Variants in PPL observed in about 807,000 individuals in gnomAD.
PPL encodes 190 kDa paraneoplastic pemphigus antigen.
In PPL, 198 loss-of-function variants were observed where a neutral mutation model predicts 194.4. The observed-to-expected ratio is 1.02, with a 90% CI of 0.91 to 1.15. The LOEUF (loss-of-function observed/expected upper bound fraction) is 1.15. Among genes scored for constraint, PPL ranks in the 50% most tolerant of loss-of-function variants. The pLI is 0.00. For synonymous variants in PPL, 1,220 were observed against 972.4 expected (o/e 1.25, Z -4.74); for missense variants, 2,885 against 2,294.8 (o/e 1.26, Z -5.25).
At chr16:4,888,366 C>G (rs1036162973) in intron 19 of PPL, 148 bp from the exon 20 acceptor site, 27 of 606,168 alleles carry the variant, frequency 4.5e-5, no homozygotes, top group Non-Finnish European at 5.4e-5. Context: ...CAGCTGCACC[C>G]TGCAGTGATT....
intron 2 of PPL, among the ~76,000 whole-genome samples, chr16:4,910,112 C>T (rs1199168707): frequency 1.3e-5 from 2 of 152,146 alleles, no homozygotes; most frequent in African/African-American, 4.8e-5. Context: ...GTGAGTCCCT[C>T]AGGGTACAGA....
chr16:4,919,677 C>G (rs372894150), intron 1 of PPL, among the ~76,000 whole-genome samples: 1 of 152,132 alleles, frequency 6.6e-6, no homozygotes, highest in South Asian at 2.1e-4. Flanking sequence ...CACCTGTAAT[C>G]CCACCACTTT....
chr16:4,936,976 C>T lies in PPL; in HGVS notation c.62+8G>A. On this transcript the variant is annotated splice_region_variant and intron_variant, in intron 1 of 21. Coordinates refer to ENST00000345988, the MANE Select transcript of PPL (RefSeq NM_002705.5). ...CGTCCCGGAGCGGAGCTGTGGGCGC[C>T]TCCTCACCTCCGGGTCTGCACAGTG... is the stretch of plus-strand genomic sequence containing the variant. 1 of 1,587,728 alleles carries T rather than the reference C, an allele frequency of 6.3e-7. No homozygotes were observed.
rs76210868 is a variant in PPL at position 4,923,572 on chromosome 16, T to C, written c.63-12623A>G. On this transcript the variant is annotated intron_variant, in intron 1 of 21. Coordinates refer to ENST00000345988, the MANE Select transcript of PPL (RefSeq NM_002705.5). ...TTCAGCTGTACCTGTTCAAGTCACA[T>C]GGCACCAACTGGCCCATTCTTTCTA... 3.4e-3 allele frequency among the ~76,000 whole-genome samples: 515 copies of C among 152,276 alleles called. 24 individuals are homozygous for C. In the East Asian group the frequency reaches 0.091, roughly 27 times the overall value.
At chr16:4,906,426 C>T (rs573695118) in intron 2 of PPL, among the ~76,000 whole-genome samples, 193 of 152,086 alleles carry the variant, frequency 1.3e-3, no homozygotes, top group African/African-American at 4.0e-3. Flanking sequence ...GGGGTTTCAC[C>T]GTGTTAGCCA....
intron 2 of PPL, 27 bp downstream of exon 2, chr16:4,910,823 G>A (rs2088803940): frequency 1.3e-6 from 2 of 1,591,954 alleles, no homozygotes; most frequent in Non-Finnish European, 1.7e-6. Flanking sequence ...GGGGCACCCA[G>A]GTGGGAGTGG....
chr16:4,933,729 T>A (rs1020518217), intron 1 of PPL, among the ~76,000 whole-genome samples: 31 of 152,330 alleles, frequency 2.0e-4, no homozygotes, highest in African/African-American at 7.0e-4. Flanking sequence ...ATCTCTGTGA[T>A]GTGACTGCCA....
At position 4,890,235 on chromosome 16, in the gene PPL, G is replaced by A; in HGVS notation, c.2262C>T (p.Pro754=). Residue 754 remains proline, a synonymous_variant, in exon 18 of 22, where the codon CCC becomes CCT. Coordinates refer to ENST00000345988, the MANE Select transcript of PPL (RefSeq NM_002705.5). Reference sequence around the variant, plus strand: ...TCTGGCTGAGGCTGTCTGTCTCCTGGGGCTCGTAACTGGGGATGCTGACTA... The same window carrying A: ...TCTGGCTGAGGCTGTCTGTCTCCTGAGGCTCGTAACTGGGGATGCTGACTA... ...QFLVSIPSYE[P]QETDSLSQME... 1 of 1,614,154 alleles carries A rather than the reference G, an allele frequency of 6.2e-7. No homozygotes were observed. The highest frequency in any genetic ancestry group is 8.5e-7 in the Non-Finnish European group (1 of 1,180,028).
intron 1 of PPL, among the ~76,000 whole-genome samples, chr16:4,920,351 G>GAAAT (rs1358088881): frequency 1.4e-5 from 1 of 70,664 alleles, no homozygotes; most frequent in Non-Finnish European, 4.6e-5. Context: ...GAGAGAGAAA[G>GAAAT]AAAGAAAGAA....
Position 4,937,117 on chromosome 16 carries a change from G to C in PPL, c.-72C>G. 9.4e-7 allele frequency: 1 copy of C among 1,059,866 alleles called. No homozygotes were observed. Among genetic ancestry groups the C allele is most frequent in the Non-Finnish European group, 1.2e-6 (1 of 865,138 alleles). 65.7% of individuals were successfully genotyped at this position (1,059,866 alleles called of 1,614,324 possible). A position where few individuals can be genotyped will look rare whatever the true frequency, so the allele number is the denominator to read the frequency against. ...CACCGAGGGGCGGGCGGGAGCGCAG[G>C]TGAGCGAGCGGCGGCGCGGGGAGCC... On this transcript the variant is annotated 5_prime_UTR_variant, in exon 1 of 22. Coordinates refer to ENST00000345988, the MANE Select transcript of PPL (RefSeq NM_002705.5).
At position 4,895,655 on chromosome 16, in the gene PPL, T is replaced by C; in HGVS notation, c.1034A>G (p.Gln345Arg). Reference sequence around the variant, plus strand: ...GTCCTTGAAGTCAGGGCCATACTTCTGGTTCAGGTCCGAGTCCACCTTGCG... The same window carrying C: ...GTCCTTGAAGTCAGGGCCATACTTCCGGTTCAGGTCCGAGTCCACCTTGCG... ...LLRKVDSDLN[Q>R]KYGPDFKDRY... Residue 345 changes from glutamine (Q) to arginine (R), a missense_variant, in exon 10 of 22, where the codon CAG (glutamine) becomes CGG (arginine). Physicochemically the swap from Gln to Arg is conservative, Grantham distance 43. Transcript: ENST00000345988. 1.2e-6 allele frequency: 2 copies of C among 1,614,080 alleles called. No homozygotes were observed. Among genetic ancestry groups the C allele is most frequent in the Non-Finnish European group, 1.7e-6 (2 of 1,180,014 alleles).
chr16:4,884,188 T>A lies in PPL; in HGVS notation c.4467A>T (p.Ala1489=). 6.2e-7 allele frequency: 1 copy of A among 1,613,966 alleles called. No individual in the cohort carries two copies. Among genetic ancestry groups the A allele is most frequent in the Admixed American group, 1.7e-5 (1 of 60,014 alleles). Residue 1489 remains alanine (A), a synonymous_variant, in exon 22 of 22, where the codon GCA becomes GCT. Transcript: ENST00000345988. The surrounding 1 kb of genome is among the most constrained non-coding windows in gnomAD (Gnocchi z 5.7). ...ELETLRRKLA[A]LEKAEVKEKV... is the part of the protein sequence containing the mutation. ...TCTCCTTGACCTCCGCCTTCTCCAG[T>A]GCAGCCAGTTTCCTCCGGAGGGTCT... is the stretch of plus-strand genomic sequence containing the variant.
chr16:4,912,898 GT>G (rs2088846788), intron 1 of PPL, among the ~76,000 whole-genome samples: 2 of 152,212 alleles, frequency 1.3e-5, no homozygotes, highest in Admixed American at 1.3e-4. Flanking sequence ...GAGATCAGGA[GT>G]TTGAGACCAG....
Position 4,894,629 on chromosome 16 carries a change from C to G in PPL, c.1243-11G>C, listed in dbSNP as rs1048539310. 1.9e-6 allele frequency: 3 copies of G among 1,610,620 alleles called. No homozygotes were observed. Among genetic ancestry groups the G allele is most frequent in the Non-Finnish European group, 1.7e-6 (2 of 1,179,352 alleles). Reference sequence around the variant, plus strand: ...CCGCGAGATCAGGCCCTGGCGGGGGCAGGCTGGACAGTCAGGATCCCGGCA... The same window carrying G: ...CCGCGAGATCAGGCCCTGGCGGGGGGAGGCTGGACAGTCAGGATCCCGGCA... On this transcript the variant is annotated splice_polypyrimidine_tract_variant and intron_variant, in intron 11 of 21. Coordinates refer to ENST00000345988, the MANE Select transcript of PPL (RefSeq NM_002705.5).
intron 1 of PPL, among the ~76,000 whole-genome samples, chr16:4,922,884 T>C (rs1383795035): frequency 6.6e-6 from 1 of 152,032 alleles, no homozygotes; most frequent in East Asian, 1.9e-4. Flanking sequence ...TTTGGAACCA[T>C]CTCCTCCAAC....
At chr16:4,923,223 G>A (rs753681346) in intron 1 of PPL, among the ~76,000 whole-genome samples, 2 of 152,196 alleles carry the variant, frequency 1.3e-5, no homozygotes, top group African/African-American at 4.8e-5. Flanking sequence ...ACCTGGGAAC[G>A]CGTCTCCTGC....
intron 12 of PPL, among the ~76,000 whole-genome samples, chr16:4,894,034 A>ATTCCT (rs1405256251): frequency 2.4e-4 from 36 of 152,270 alleles, no homozygotes; most frequent in African/African-American, 7.5e-4. Context: ...GGAGAGAGGA[A>ATTCCT]ATTCAAGGAG....
Position 4,884,530 on chromosome 16 carries a change from G to T in PPL, c.4125C>A (p.Ile1375=), listed in dbSNP as rs768639090. ...TGTCAATCTGCCGCAGCTCCACATC[G>T]ATGCTCTCGGCAAAGGCGCTCGCCT... The part of the protein sequence containing the change: ...RAEASAFAES[I]DVELRQIDKL... Residue 1375 remains isoleucine, a synonymous_variant, in exon 22 of 22, where the codon ATC becomes ATA. Transcript: ENST00000345988. The surrounding 1 kb of genome is among the most constrained non-coding windows in gnomAD (Gnocchi z 5.7). 2 of 1,612,104 alleles carry T rather than the reference G, an allele frequency of 1.2e-6. No individual in the cohort carries two copies. Among genetic ancestry groups the T allele is most frequent in the African/African-American group, 1.3e-5 (1 of 74,850 alleles).
rs373822962 is a variant in PPL at position 4,924,977 on chromosome 16, T to C, written c.62+12007A>G. On this transcript the variant is annotated intron_variant, in intron 1 of 21. Transcript: ENST00000345988. ...CAGCCCAGCCTGCACTCTCCTCCCA[T>C]GTGTGGACACAGGTCCCTGCAGGCT... Among the ~76,000 whole-genome samples the C allele has an allele frequency of 3.9e-5, 6 of 152,338 alleles. 1 individual carries two copies. The highest frequency in any genetic ancestry group is 1.4e-4 in the African/African-American group (6 of 41,580).
Sources: allele counts gnomAD v4.1 joint callset (sites outside exome capture counted in the v4.1 genomes callset), GRCh38; gene constraint gnomAD v4.1.1; non-coding constraint Gnocchi (gnomAD v3.1); transcripts MANE v1.5; gene names NCBI Gene and HGNC (gene_info 2026-07-23, HGNC 2026-07-21).